The following AUTS2 variants were observed in gnomAD, a reference collection of about 807,000 sequenced individuals.
AUTS2 encodes autism susceptibility gene 2 protein.
AUTS2 carries 17 observed loss-of-function variants against 112.4 expected under a neutral mutation model. The observed-to-expected ratio is 0.15, with a 90% confidence interval of 0.10 to 0.23. The LOEUF is 0.23. Among genes scored for constraint, AUTS2 ranks in the 10% least tolerant of loss-of-function variants. The pLI, the probability that AUTS2 is intolerant of heterozygous loss-of-function variation, is 1.00. For missense variants in AUTS2, 1,510 were observed against 1,701.6 expected (o/e 0.89, Z 1.98); for synonymous variants, 751 against 702.7 (o/e 1.07, Z -1.09).
chr7:69,939,952 TAAC>T (rs1169276993), intron 2 of AUTS2, among the ~76,000 whole-genome samples: 3 of 152,230 alleles, frequency 2.0e-5, no homozygotes, highest in Admixed American at 1.3e-4. Context: ...CCACTCATCA[TAAC>T]AACAACAGTA....
rs752990559 is a variant in AUTS2 at position 70,344,065 on chromosome 7, G to A, written c.661-91687G>A. The stretch of plus-strand genomic sequence containing the variant: ...TAAGGGGGCACTCACTTTGAGGGTC[G>A]TGCAGGTTCAGGATCAGTACTGACA... On this transcript the variant is annotated intron_variant, in intron 4 of 18. Coordinates refer to ENST00000342771, the MANE Select transcript of AUTS2 (RefSeq NM_015570.4). Among the ~76,000 whole-genome samples, 4 of 152,202 alleles carry A rather than the reference G, an allele frequency of 2.6e-5. No homozygotes were observed. The East Asian group carries it at 7.8e-4, about 30-fold the overall frequency.
At chr7:69,703,162 C>T (rs1021358761) in intron 1 of AUTS2, among the ~76,000 whole-genome samples, 1 of 151,972 alleles carries the variant, frequency 6.6e-6, no homozygotes, top group Admixed American at 6.6e-5. Flanking sequence ...TAGGTGTGTG[C>T]GGGAGCAGGT....
intron 1 of AUTS2, among the ~76,000 whole-genome samples, chr7:69,825,384 T>C (rs1174191306): frequency 6.6e-6 from 1 of 152,170 alleles, no homozygotes. Context: ...AAAAACTCCC[T>C]AGGTGATTCT....
intron 2 of AUTS2, among the ~76,000 whole-genome samples, chr7:69,919,346 G>A (rs1346232677): frequency 2.0e-5 from 3 of 152,152 alleles, no homozygotes; most frequent in Admixed American, 6.5e-5. Context: ...AGAGCAATAA[G>A]ATCATTTCTC....
At chr7:70,155,916 G>A (rs1212790377) in intron 4 of AUTS2, among the ~76,000 whole-genome samples, 1 of 152,198 alleles carries the variant, frequency 6.6e-6, no homozygotes, top group Non-Finnish European at 1.5e-5. Flanking sequence ...TATCTGGCAG[G>A]CAGGAAGTGA....
chr7:70,647,747 T>A (rs1806250741), intron 5 of AUTS2, among the ~76,000 whole-genome samples: 1 of 152,106 alleles, frequency 6.6e-6, no homozygotes, highest in Non-Finnish European at 1.5e-5. Context: ...GCCTCCCTAT[T>A]CCCTGAAGCT....
At chr7:69,793,714 G>T (rs997091555) in intron 1 of AUTS2, among the ~76,000 whole-genome samples, 6 of 151,950 alleles carry the variant, frequency 3.9e-5, no homozygotes, top group African/African-American at 1.5e-4. Flanking sequence ...AGAACTTCTG[G>T]AATTTGGACA....
rs537004507 is a variant in AUTS2, at chr7:70,431,093, T to G, written c.661-4659T>G. Among the ~76,000 whole-genome samples the G allele has an allele frequency of 3.9e-3, 595 of 152,176 alleles. 3 individuals carry two copies. The highest frequency in any genetic ancestry group is 6.7e-3 in the Non-Finnish European group (458 of 68,012). On this transcript the variant is annotated intron_variant, in intron 4 of 18. Coordinates refer to ENST00000342771, the MANE Select transcript of AUTS2 (RefSeq NM_015570.4). ...ACCTCGTGATCCGCCCGCCTCGGCC[T>G]CCCAAAGTGCTGGTATTACAGGCGT...
intron 4 of AUTS2, among the ~76,000 whole-genome samples, chr7:70,432,433 A>G (rs1048751674): frequency 7.2e-5 from 11 of 152,184 alleles, no homozygotes; most frequent in African/African-American, 2.7e-4. Context: ...TGTGAAAGCT[A>G]TACAGTGTAT....
intron 2 of AUTS2, among the ~76,000 whole-genome samples, chr7:70,104,637 A>T (rs749421679): frequency 6.6e-6 from 1 of 152,212 alleles, no homozygotes; most frequent in Non-Finnish European, 1.5e-5. Context: ...TTATGATGAA[A>T]CAGAATGCTT....
At chr7:69,657,072 T>C (rs548842691) in intron 1 of AUTS2, among the ~76,000 whole-genome samples, 182 of 152,340 alleles carry the variant, frequency 1.2e-3, no homozygotes, top group South Asian at 7.9e-3. Flanking sequence ...TTCATCTTGC[T>C]TTAATTAAAT....
chr7:70,152,442 T>C (rs1469271534), intron 4 of AUTS2, among the ~76,000 whole-genome samples: 5 of 149,308 alleles, frequency 3.3e-5, no homozygotes, highest in Non-Finnish European at 4.4e-5. Flanking sequence ...TTTTTTTTTC[T>C]GGAAAAAAAA....
At chr7:70,308,306 A>G (rs1465440989) in intron 4 of AUTS2, among the ~76,000 whole-genome samples, 1 of 152,114 alleles carries the variant, frequency 6.6e-6, no homozygotes, top group Non-Finnish European at 1.5e-5. Flanking sequence ...ACTCTTCTTA[A>G]TTTTCTGCCA....
intron 2 of AUTS2, among the ~76,000 whole-genome samples, chr7:69,938,889 A>AT (rs1314164923): frequency 6.6e-6 from 1 of 152,218 alleles, no homozygotes; most frequent in Non-Finnish European, 1.5e-5. Flanking sequence ...AATGGTGAAG[A>AT]TAAGGAATGG....
chr7:69,932,583 A>G (rs2085605682), intron 2 of AUTS2, among the ~76,000 whole-genome samples: 1 of 152,206 alleles, frequency 6.6e-6, no homozygotes, highest in South Asian at 2.1e-4. Context: ...CAGAATTTCC[A>G]GGGCCATTTT....
chr7:69,599,928 C>T lies in AUTS2; in HGVS notation c.275C>T (p.Ala92Val), dbSNP rs868152790. 6.2e-7 allele frequency: 1 copy of T among 1,613,640 alleles called. No individual in the cohort carries two copies. Among genetic ancestry groups the T allele is most frequent in the Non-Finnish European group, 8.5e-7 (1 of 1,179,922 alleles). ...GAAGAGGACATCATTGATGGATTTGCCATGACCAGCTTTGTCACTTTTGAA... is the reference window on the plus strand; with the variant it reads ...GAAGAGGACATCATTGATGGATTTGTCATGACCAGCTTTGTCACTTTTGAA... ...SAEEDIIDGF[A>V]MTSFVTFEAL... The change falls in exon 1 of 19, where the codon GCC becomes GTC. Residue 92 changes from alanine to valine, a missense_variant. This residue lies in a region of AUTS2 where 535 missense variants were observed against 594.3 expected (regional missense o/e 0.90). Transcript: ENST00000342771. The surrounding 1 kb of genome is among the most constrained non-coding windows in gnomAD (Gnocchi z 7.0).
intron 4 of AUTS2, among the ~76,000 whole-genome samples, chr7:70,215,300 C>T (rs926819158): frequency 6.6e-6 from 1 of 152,008 alleles, no homozygotes; most frequent in Admixed American, 6.6e-5. Context: ...AAAAATAAAA[C>T]ATAGATACCT....
chr7:70,418,001 T>C (rs1460346860), intron 4 of AUTS2, among the ~76,000 whole-genome samples: 2 of 152,058 alleles, frequency 1.3e-5, no homozygotes, highest in Non-Finnish European at 2.9e-5. Flanking sequence ...TCCCTGGGAT[T>C]GGGGTGCACA....
intron 5 of AUTS2, among the ~76,000 whole-genome samples, chr7:70,627,020 G>A (rs1283786463): frequency 6.6e-6 from 1 of 152,156 alleles, no homozygotes; most frequent in African/African-American, 2.4e-5. Context: ...TTTTCTTTTG[G>A]ATATATACCC....
Sources: gnomAD v4.1 joint callset for allele counts (sites outside exome capture counted in the v4.1 genomes callset) on GRCh38, gnomAD v4.1.1 for gene constraint, gnomAD v4.1.1 regional missense constraint, Gnocchi (gnomAD v3.1) non-coding constraint, MANE v1.5 for transcripts, NCBI Gene and HGNC (gene_info 2026-07-23, HGNC 2026-07-21) for gene names.